The following LGSN variants were observed in gnomAD, a reference collection of about 807,000 sequenced individuals.
LGSN encodes lengsin.
LGSN carries 21 observed loss-of-function variants against 19.5 expected under a neutral mutation model. The ratio of observed to expected loss-of-function variants is 1.07; its 90% CI spans 0.76 to 1.55. The LOEUF (loss-of-function observed/expected upper bound fraction) is 1.55. Among genes scored for constraint, LGSN ranks in the 40% most tolerant of loss-of-function variants. The pLI is 0.00. For missense variants in LGSN, 673 were observed against 608.5 expected (o/e 1.11, Z -1.12); for synonymous variants, 257 against 215.6 (o/e 1.19, Z -1.68).
chr6:63,471,846 T>C, the LGSN span, among the ~76,000 whole-genome samples: 156 of 151,926 alleles, frequency 1.0e-3, 6 homozygotes, highest in East Asian at 0.026. Context: ...GTCATGAGGG[T>C]GGGGACCCTC....
the LGSN span, among the ~76,000 whole-genome samples, chr6:63,456,346 AATATACATATAT>A: frequency 8.1e-3 from 810 of 100,486 alleles, 77 homozygotes; most frequent in African/African-American, 0.028. Flanking sequence ...ACTTGGCAGA[AATATACATATAT>A]ATATATATAT....
At chr6:63,553,461 G>A in the LGSN span, among the ~76,000 whole-genome samples, 3 of 152,166 alleles carry the variant, frequency 2.0e-5, no homozygotes, top group Admixed American at 6.6e-5. Context: ...TTACATGGGT[G>A]GCCTAAAAAT....
chr6:63,471,801 G>A, the LGSN span, among the ~76,000 whole-genome samples: 6 of 152,108 alleles, frequency 3.9e-5, no homozygotes, highest in African/African-American at 1.4e-4. Flanking sequence ...GGTATTTGGA[G>A]TTGGGCATCT....
At chr6:63,526,341 TAAA>T in the LGSN span, among the ~76,000 whole-genome samples, 1 of 151,514 alleles carries the variant, frequency 6.6e-6, no homozygotes, top group Non-Finnish European at 1.5e-5. Context: ...AATAAATAAA[TAAA>T]AGAAATTTCC....
the LGSN span, among the ~76,000 whole-genome samples, chr6:63,422,779 AC>A: frequency 6.6e-6 from 1 of 152,146 alleles, no homozygotes; most frequent in Non-Finnish European, 1.5e-5. Flanking sequence ...CCCCAGGAAG[AC>A]AGGGAAAAGA....
chr6:63,492,712 C>T, the LGSN span, among the ~76,000 whole-genome samples: 1 of 152,194 alleles, frequency 6.6e-6, no homozygotes, highest in Admixed American at 6.6e-5. Flanking sequence ...ACAGCATGTA[C>T]TCGAGGAAGA....
the LGSN span, among the ~76,000 whole-genome samples, chr6:63,356,948 A>T: frequency 5.3e-5 from 8 of 151,544 alleles, no homozygotes; most frequent in Non-Finnish European, 1.2e-4. Context: ...GTCATTTAAC[A>T]TTAGTTATAT....
the LGSN span, among the ~76,000 whole-genome samples, chr6:63,340,218 A>G: frequency 1.3e-5 from 2 of 152,106 alleles, no homozygotes; most frequent in Non-Finnish European, 2.9e-5. Flanking sequence ...GAGTTTTGAT[A>G]GTTTGACTAT....
chr6:63,528,721 C>T, the LGSN span, among the ~76,000 whole-genome samples: 1 of 152,064 alleles, frequency 6.6e-6, no homozygotes, highest in Admixed American at 6.6e-5. Context: ...CAAGATTGCA[C>T]CACTGTACTC....
chr6:63,396,386 C>A, the LGSN span: 1 of 224,386 alleles, frequency 4.5e-6, no homozygotes, highest in South Asian at 6.9e-5. Context: ...GAATCTCACT[C>A]AACAAATCCA....
At chr6:63,327,640 G>T in the LGSN span, among the ~76,000 whole-genome samples, 2 of 152,168 alleles carry the variant, frequency 1.3e-5, no homozygotes, top group African/African-American at 4.8e-5. Context: ...GCAGATATGG[G>T]TTGAAGATCC....
At chr6:63,486,521 C>T in the LGSN span, among the ~76,000 whole-genome samples, 10 of 152,102 alleles carry the variant, frequency 6.6e-5, no homozygotes, top group Non-Finnish European at 1.0e-4. Context: ...CACATTGATT[C>T]CCTCTTGCCC....
At chr6:63,283,786 C>T (rs1767416668) in intron 3 of LGSN, among the ~76,000 whole-genome samples, 3 of 152,110 alleles carry the variant, frequency 2.0e-5, no homozygotes, top group South Asian at 2.1e-4. Flanking sequence ...CTGCAACCTC[C>T]GCCTTCCGGG....
the LGSN span, among the ~76,000 whole-genome samples, chr6:63,453,776 C>G: frequency 1.3e-5 from 2 of 152,220 alleles, no homozygotes; most frequent in South Asian, 2.1e-4. Context: ...GCCTCAGCCT[C>G]CCAAGTAGCT....
At chr6:63,494,252 A>C in the LGSN span, among the ~76,000 whole-genome samples, 3 of 152,146 alleles carry the variant, frequency 2.0e-5, no homozygotes, top group Non-Finnish European at 1.5e-5. Flanking sequence ...GCCCAGCCAG[A>C]AGAAATTATT....
chr6:63,404,784 A>T, the LGSN span, among the ~76,000 whole-genome samples: 2 of 151,092 alleles, frequency 1.3e-5, no homozygotes, highest in East Asian at 1.9e-4. Context: ...TTAATATACT[A>T]AAAAAAAGTA....
chr6:63,407,134 A>T, the LGSN span, among the ~76,000 whole-genome samples: 83 of 152,064 alleles, frequency 5.5e-4, no homozygotes, highest in Non-Finnish European at 1.0e-3. Flanking sequence ...TTCTGAAACT[A>T]TTCCAATCAA....
At chr6:63,377,755 A>C in the LGSN span, among the ~76,000 whole-genome samples, 1 of 151,964 alleles carries the variant, frequency 6.6e-6, no homozygotes, top group African/African-American at 2.4e-5. Flanking sequence ...TCTACCAAAA[A>C]TACAAAAAAT....
intron 1 of LGSN, among the ~76,000 whole-genome samples, chr6:63,303,945 C>T (rs899045055): frequency 5.9e-5 from 9 of 152,116 alleles, no homozygotes; most frequent in Non-Finnish European, 1.0e-4. Context: ...GAAAGCTTTC[C>T]CAAGATCATG....
Sources: gnomAD v4.1 joint callset for allele counts (sites outside exome capture counted in the v4.1 genomes callset) on GRCh38, gnomAD v4.1.1 for gene constraint, MANE v1.5 for transcripts, NCBI Gene and HGNC (gene_info 2026-07-23, HGNC 2026-07-21) for gene names.